SNRNP40: variants seen among roughly 807,000 people sequenced by gnomAD.
SNRNP40 encodes the protein small nuclear ribonucleoprotein U5 subunit 40, also known as U5 small nuclear ribonucleoprotein 40 kDa protein.
In SNRNP40, 21 loss-of-function variants were observed where a neutral mutation model predicts 45.8. That is an observed-to-expected ratio of 0.46 (90% CI 0.32 to 0.66). The LOEUF (loss-of-function observed/expected upper bound fraction) is 0.66. SNRNP40 is among the 30% of genes least tolerant of loss of function. SNRNP40 has a pLI of 0.03. For missense variants in SNRNP40, 344 were observed against 439.1 expected, an observed-to-expected ratio of 0.78 and a Z score of 1.94; for synonymous variants, 142 against 163.8, an observed-to-expected ratio of 0.87 and a Z score of 1.01.
At chr1:31,287,766 G>A (rs1334082919) in intron 4 of SNRNP40, among the ~76,000 whole-genome samples, 1 of 152,152 alleles carries the variant, frequency 6.6e-6, no homozygotes, top group Non-Finnish European at 1.5e-5. Flanking sequence ...TTGGGAGGCC[G>A]AGGGGGGCGG....
intron 7 of SNRNP40, among the ~76,000 whole-genome samples, chr1:31,268,427 C>G (rs1645914624): frequency 6.6e-6 from 1 of 151,946 alleles, no homozygotes. Context: ...AGACTGCAGG[C>G]ACATGCCACC....
chr1:31,260,989 A>G (rs1406899915), intron 9 of SNRNP40: 11 of 1,226,288 alleles, frequency 9.0e-6, no homozygotes, highest in South Asian at 1.4e-5. Context: ...AAAATGGAGC[A>G]TTGCTCTTAC....
At chr1:31,287,325 C>T (rs1357138828) in intron 4 of SNRNP40, among the ~76,000 whole-genome samples, 1 of 151,924 alleles carries the variant, frequency 6.6e-6, no homozygotes, top group Non-Finnish European at 1.5e-5. Flanking sequence ...TGACATACTG[C>T]TTATTAAAAA....
At chr1:31,273,381 C>A (rs1007762025) in intron 5 of SNRNP40, among the ~76,000 whole-genome samples, 1 of 152,136 alleles carries the variant, frequency 6.6e-6, no homozygotes, top group African/African-American at 2.4e-5. Context: ...GTGGCTCACT[C>A]CTGTAATTCC....
intron 4 of SNRNP40, among the ~76,000 whole-genome samples, chr1:31,286,996 G>A (rs1308047490): frequency 6.6e-6 from 1 of 152,210 alleles, no homozygotes; most frequent in East Asian, 1.9e-4. Flanking sequence ...GAATGCACTT[G>A]ATAAAAAGTT....
chr1:31,278,993 G>C (rs1244720473), intron 5 of SNRNP40, among the ~76,000 whole-genome samples: 1 of 151,832 alleles, frequency 6.6e-6, no homozygotes, highest in Non-Finnish European at 1.5e-5. Context: ...GAAGAGAGAA[G>C]ACCAGGTCTA....
At chr1:31,277,148 G>A (rs774364147) in intron 5 of SNRNP40, among the ~76,000 whole-genome samples, 1 of 152,142 alleles carries the variant, frequency 6.6e-6, no homozygotes, top group Non-Finnish European at 1.5e-5. Context: ...AGTGAGCCAT[G>A]ATTGCACCAC....
chr1:31,264,979 T>A (rs1278734463), intron 8 of SNRNP40, among the ~76,000 whole-genome samples: 2 of 152,200 alleles, frequency 1.3e-5, no homozygotes. Flanking sequence ...TACTTTGGCA[T>A]GGCAACATTT....
chr1:31,295,169 T>C (rs1646134968), intron 1 of SNRNP40, among the ~76,000 whole-genome samples: 1 of 151,940 alleles, frequency 6.6e-6, no homozygotes, highest in Non-Finnish European at 1.5e-5. Flanking sequence ...GTGTGCGGAT[T>C]GCTTGAGCTC....
intron 6 of SNRNP40, 136 bp downstream of exon 6, chr1:31,271,243 G>A (rs926079302): frequency 3.6e-6 from 3 of 828,262 alleles, no homozygotes; most frequent in Non-Finnish European, 5.6e-6. Context: ...AGAGATCTGA[G>A]ACTACAGTCC....
At chr1:31,289,867 ATTTC>A (rs982614009) in intron 3 of SNRNP40, among the ~76,000 whole-genome samples, 5 of 151,596 alleles carry the variant, frequency 3.3e-5, no homozygotes, top group East Asian at 1.9e-4. Context: ...TCTGAGGACA[ATTTC>A]TTTCTTTCAT....
intron 5 of SNRNP40, among the ~76,000 whole-genome samples, chr1:31,276,731 A>C (rs1288557004): frequency 6.6e-6 from 1 of 152,102 alleles, no homozygotes; most frequent in African/African-American, 2.4e-5. Context: ...AAAAAAACAA[A>C]AACGAAAACG....
intron 4 of SNRNP40, among the ~76,000 whole-genome samples, chr1:31,285,712 A>T (rs893664422): frequency 1.3e-5 from 2 of 152,240 alleles, no homozygotes; most frequent in South Asian, 2.1e-4. Context: ...GTCTGGAATC[A>T]TATGTTAAAT....
intron 4 of SNRNP40, among the ~76,000 whole-genome samples, chr1:31,286,737 A>T (rs894438919): frequency 6.6e-6 from 1 of 152,200 alleles, no homozygotes; most frequent in Middle Eastern, 3.4e-3. Context: ...CCTGTGTTGT[A>T]TGGATGCCTT....
Position 31,280,113 on chromosome 1 carries a change from CAAA to C in SNRNP40, c.654+1258_654+1260del, listed in dbSNP as rs577919252. On this transcript the variant is annotated intron_variant, in intron 5 of 9. Transcript: ENST00000263694. ...TGGGCTACAGAGGAAGACTCTGACTCAAAAAAAAAAAAAAAAAAAAAGGACTAC... is the reference window on the plus strand; with the variant it reads ...TGGGCTACAGAGGAAGACTCTGACTCAAAAAAAAAAAAAAAAAAGGACTAC... Among the ~76,000 whole-genome samples, 455 of 67,652 alleles carry C rather than the reference CAAA, an allele frequency of 6.7e-3. 27 individuals are homozygous for C. The East Asian group carries it at 0.2, about 29-fold the overall frequency. The allele number at this position is 67,652 out of a possible 152,430, so 44.4% of individuals were successfully genotyped here.
chr1:31,261,420 T>A (rs1645858296), intron 9 of SNRNP40, 109 bp downstream of exon 9: 5 of 697,092 alleles, frequency 7.2e-6, no homozygotes, highest in Non-Finnish European at 1.2e-5. Context: ...CCAAAGGCTG[T>A]TTGCATGGAA....
intron 5 of SNRNP40, among the ~76,000 whole-genome samples, chr1:31,280,886 T>C (rs1297555709): frequency 1.3e-5 from 2 of 152,102 alleles, no homozygotes; most frequent in East Asian, 3.9e-4. Flanking sequence ...CCCAAGTCAA[T>C]TACTTGAAAG....
At chr1:31,270,450 T>C (rs1348808317) in intron 6 of SNRNP40, among the ~76,000 whole-genome samples, 1 of 152,086 alleles carries the variant, frequency 6.6e-6, no homozygotes, top group Non-Finnish European at 1.5e-5. Context: ...GGAAAAAATA[T>C]TTTTTTAATG....
intron 8 of SNRNP40, chr1:31,263,173 T>G (rs1645872438): frequency 6.6e-6 from 1 of 152,088 alleles, no homozygotes; most frequent in Admixed American, 6.6e-5. Flanking sequence ...AAAAAAAAAC[T>G]TCTACATTTC....
Sources: gnomAD v4.1 joint callset for allele counts (sites outside exome capture counted in the v4.1 genomes callset) on GRCh38, gnomAD v4.1.1 for gene constraint, MANE v1.5 for transcripts, NCBI Gene and HGNC (gene_info 2026-07-23, HGNC 2026-07-21) for gene names.